UNC5A: variants seen among roughly 807,000 people sequenced by gnomAD.
UNC5A encodes the protein unc-5 netrin receptor A.
A neutral mutation model predicts 87.4 loss-of-function variants in UNC5A; 20 were observed. The observed-to-expected ratio is 0.23, with a 90% CI of 0.16 to 0.33. The LOEUF is 0.33. UNC5A is among the 10% of genes least tolerant of loss of function. The probability of loss-of-function intolerance (pLI) is 1.00; values close to 1 mark genes in which losing one functional copy is unlikely to be tolerated. For synonymous variants in UNC5A, 438 were observed against 482.3 expected, an observed-to-expected ratio of 0.91 and a Z score of 1.20; for missense variants, 844 against 1,133.4, an observed-to-expected ratio of 0.74 and a Z score of 3.67.
chr5:176,834,984 C>T (rs960092784), intron 1 of UNC5A, among the ~76,000 whole-genome samples: 2 of 152,262 alleles, frequency 1.3e-5, no homozygotes, highest in African/African-American at 4.8e-5. Context: ...AGGCTGGGCC[C>T]ATCCTGTGCC....
intron 1 of UNC5A, among the ~76,000 whole-genome samples, chr5:176,842,763 C>T (rs1406120555): frequency 6.6e-6 from 1 of 152,138 alleles, no homozygotes. Flanking sequence ...GTATACTGCT[C>T]GGGTGATGGG....
chr5:176,874,267 A>T lies in UNC5A; in HGVS notation c.1079A>T (p.Asn360Ile). The T allele has an allele frequency of 6.3e-7, 1 of 1,584,686 alleles. No individual in the cohort carries two copies. Among genetic ancestry groups the T allele is most frequent in the Non-Finnish European group, 8.6e-7 (1 of 1,163,822 alleles). The change falls in exon 8 of 15, where the codon AAC (asparagine) becomes ATC (isoleucine). Residue 360 changes from asparagine to isoleucine, a missense_variant. Coordinates refer to ENST00000329542, the MANE Select transcript of UNC5A (RefSeq NM_133369.3). The surrounding 1 kb of genome is among the most constrained non-coding windows in gnomAD (Gnocchi z 7.6). ...PVSIKPSKAD[N>I]PHLLTIQPDL... ...TGAGTCTGTCTTTATCCTGCAGACA[A>T]CCCCCATCTGCTCACCATCCAGCCG...
intron 1 of UNC5A, among the ~76,000 whole-genome samples, chr5:176,835,306 A>G (rs941501239): frequency 1.3e-5 from 2 of 152,234 alleles, no homozygotes; most frequent in African/African-American, 2.4e-5. Context: ...GCTCAGGGCC[A>G]CCTGCCAGGC....
Position 176,879,483 on chromosome 5 carries a change from G to C in UNC5A, c.2358G>C (p.Leu786=), listed in dbSNP as rs377121829. The C allele has an allele frequency of 8.7e-6, 14 of 1,606,254 alleles. No homozygotes were observed. The African/African-American group carries it at 1.3e-4, about 15-fold the overall frequency. Residue 786 remains leucine (L), a synonymous_variant, in exon 14 of 15, where the codon CTG becomes CTC. Coordinates refer to ENST00000329542, the MANE Select transcript of UNC5A (RefSeq NM_133369.3). Reference sequence around the variant, plus strand: ...GGACTCTGGCCCAGAAACTCCACCTGGACAGGTGGGCGGGAGAGGGGCAGA... The same window carrying C: ...GGACTCTGGCCCAGAAACTCCACCTCGACAGGTGGGCGGGAGAGGGGCAGA... ...DWRTLAQKLH[L]DSHLSFFASK... is the part of the protein sequence containing the mutation.
Position 176,829,881 on chromosome 5 carries a change from C to CTTTTTT in UNC5A, c.70+19067_70+19072dup, listed in dbSNP as rs70991576. Among the ~76,000 whole-genome samples the CTTTTTT allele has an allele frequency of 8.0e-5, 7 of 87,322 alleles. No homozygotes were observed. In the Admixed American group the frequency reaches 8.4e-4, roughly 11 times the overall value. The allele number at this position is 87,322 out of a possible 152,430, so 57.3% of individuals were successfully genotyped here. ...CCCTCTCACTTCCACATCACTGCTC[C>CTTTTTT]TTTTTTTTTTTGAGATGGAATCTTG... is the stretch of plus-strand genomic sequence containing the variant. On this transcript the variant is annotated intron_variant, in intron 1 of 14. Transcript: ENST00000329542.
chr5:176,832,198 C>A (rs923273590), intron 1 of UNC5A, among the ~76,000 whole-genome samples: 2 of 152,156 alleles, frequency 1.3e-5, no homozygotes, highest in Non-Finnish European at 2.9e-5. Context: ...TGCCTGGCCT[C>A]ACACTTTCTC....
In UNC5A at chr5:176,866,099, C is replaced by G. The variant is rs11743121; in HGVS notation, c.293-2031C>G. Among the ~76,000 whole-genome samples, 9 of 152,194 alleles carry G rather than the reference C, an allele frequency of 5.9e-5. No individual in the cohort carries two copies. The East Asian group carries it at 1.2e-3, about 20-fold the overall frequency. On this transcript the variant is annotated intron_variant, in intron 2 of 14. Transcript: ENST00000329542. The surrounding 1 kb of genome is among the most constrained non-coding windows in gnomAD (Gnocchi z 5.0). ...GGCAGCCCAGGTTCACACACACACC[C>G]GCCCAGGCCCACTGGCCCGGGGTCC...
rs977860933 is a variant in UNC5A at position 176,824,083 on chromosome 5, T to C, written c.70+13263T>C. Among the ~76,000 whole-genome samples, 1 of 152,216 alleles carries C rather than the reference T, an allele frequency of 6.6e-6. No individual in the cohort carries two copies. Among genetic ancestry groups the C allele is most frequent in the African/African-American group, 2.4e-5 (1 of 41,462 alleles). On this transcript the variant is annotated intron_variant, in intron 1 of 14. Transcript: ENST00000329542. The surrounding 1 kb of genome is among the most constrained non-coding windows in gnomAD (Gnocchi z 4.2). ...ATTGGGCCAGGCTGGCCACATGGCC[T>C]GGGTTGAGCCAGTCAGGATCCTTGC... is the stretch of plus-strand genomic sequence containing the variant.
chr5:176,853,315 G>T, intron 1 of UNC5A, among the ~76,000 whole-genome samples: 1 of 152,250 alleles, frequency 6.6e-6, no homozygotes, highest in East Asian at 1.9e-4. Flanking sequence ...GCAGTGGCCG[G>T]GGCGGAGGAC....
intron 1 of UNC5A, among the ~76,000 whole-genome samples, chr5:176,846,498 T>C (rs1757406193): frequency 6.6e-6 from 1 of 152,160 alleles, no homozygotes; most frequent in Non-Finnish European, 1.5e-5. Context: ...CCCTGGGCTA[T>C]TGAGGCATCT....
intron 1 of UNC5A, among the ~76,000 whole-genome samples, chr5:176,813,954 C>G (rs1373780130): frequency 1.3e-5 from 2 of 152,154 alleles, no homozygotes; most frequent in Non-Finnish European, 2.9e-5. Context: ...AGGGCCCTGC[C>G]GTCCCCTCCT....
intron 1 of UNC5A, among the ~76,000 whole-genome samples, chr5:176,839,301 GCCATGAGCACAT>G (rs1757213051): frequency 6.6e-6 from 1 of 152,276 alleles, no homozygotes; most frequent in African/African-American, 2.4e-5. Flanking sequence ...AGGCCACTCA[GCCATGAGCACAT>G]CGGAAGAAGA....
Position 176,831,444 on chromosome 5 carries a change from C to G in UNC5A, c.70+20624C>G, listed in dbSNP as rs1757023627. ...AGCGGGGATACTGGCCTTCTCTGCG[C>G]AGGAATGCTCAAGGCCAGCACGCAT... On this transcript the variant is annotated intron_variant, in intron 1 of 14. Coordinates refer to ENST00000329542, the MANE Select transcript of UNC5A (RefSeq NM_133369.3). Among the ~76,000 whole-genome samples the G allele has an allele frequency of 1.3e-5, 2 of 152,226 alleles. 1 individual carries two copies. Among genetic ancestry groups the G allele is most frequent in the Non-Finnish European group, 2.9e-5 (2 of 68,034 alleles).
At chr5:176,814,562 C>A (rs1238527434) in intron 1 of UNC5A, among the ~76,000 whole-genome samples, 1 of 152,188 alleles carries the variant, frequency 6.6e-6, no homozygotes, top group African/African-American at 2.4e-5. Context: ...TCAGTCCAGC[C>A]CCTCCCAAAG....
chr5:176,814,860 G>T (rs1453971028), intron 1 of UNC5A, among the ~76,000 whole-genome samples: 1 of 152,170 alleles, frequency 6.6e-6, no homozygotes. Context: ...GGCTGCTATT[G>T]CTGGGGACAG....
chr5:176,868,873 G>C lies in UNC5A; in HGVS notation c.630G>C (p.Gln210His). 6.2e-7 allele frequency: 1 copy of C among 1,612,908 alleles called. No individual in the cohort carries two copies. The change falls in exon 5 of 15, where the codon CAG (glutamine) becomes CAC (histidine). Residue 210 changes from glutamine (Q) to histidine (H), a missense_variant. Physicochemically the swap from Gln to His is conservative, Grantham distance 24 (BLOSUM62 0). Coordinates refer to ENST00000329542, the MANE Select transcript of UNC5A (RefSeq NM_133369.3). Reference sequence around the variant, plus strand: ...GGGAGCACAGCCTGGTGGTGCGACAGGCCCGCCTTGCTGACACGGCCAACT... The same window carrying C: ...GGGAGCACAGCCTGGTGGTGCGACACGCCCGCCTTGCTGACACGGCCAACT... ...ITREHSLVVR[Q>H]ARLADTANYT...
In UNC5A at chr5:176,841,134, G is replaced by A. The variant is rs12108848; in HGVS notation, c.71-21490G>A. 0.011 allele frequency among the ~76,000 whole-genome samples: 1,738 copies of A among 152,366 alleles called. 30 individuals carry two copies. The highest frequency in any genetic ancestry group is 0.039 in the African/African-American group (1,637 of 41,564). Reference sequence around the variant, plus strand: ...TGTTCTCATCTCTTCAGCTAAACTTGTAAGGTCAGGGGGTCAGGACCACAT... The same window carrying A: ...TGTTCTCATCTCTTCAGCTAAACTTATAAGGTCAGGGGGTCAGGACCACAT... On this transcript the variant is annotated intron_variant, in intron 1 of 14. Transcript: ENST00000329542. This position sits in a 1 kb window ranked among gnomAD's most constrained non-coding sequence, Gnocchi z 4.1.
Position 176,845,064 on chromosome 5 carries a change from A to G in UNC5A, c.71-17560A>G, listed in dbSNP as rs116590651. On this transcript the variant is annotated intron_variant, in intron 1 of 14. Coordinates refer to ENST00000329542, the MANE Select transcript of UNC5A (RefSeq NM_133369.3). ...CCGCCATCTACTCACGCAACCAGGC[A>G]GGAAATGACAGAGGCATCTTCTGCT... 2.8e-3 allele frequency among the ~76,000 whole-genome samples: 428 copies of G among 152,324 alleles called. 2 individuals carry two copies. Among genetic ancestry groups the G allele is most frequent in the Admixed American group, 6.0e-3 (92 of 15,302 alleles).
chr5:176,861,858 T>C (rs1169107158), intron 1 of UNC5A, among the ~76,000 whole-genome samples: 5 of 151,566 alleles, frequency 3.3e-5, no homozygotes, highest in African/African-American at 9.7e-5. Context: ...CAGCTGGGGG[T>C]TGTGGGAGCT....
Sources: gnomAD v4.1 joint callset for allele counts (sites outside exome capture counted in the v4.1 genomes callset) on GRCh38, gnomAD v4.1.1 for gene constraint, Gnocchi (gnomAD v3.1) non-coding constraint, MANE v1.5 for transcripts, NCBI Gene and HGNC (gene_info 2026-07-23, HGNC 2026-07-21) for gene names.